Variants in FARS2 observed in about 807,000 individuals in gnomAD.
The protein encoded by FARS2 is phenylalanine--tRNA ligase, mitochondrial.
Under a neutral mutation model 46.4 loss-of-function variants are expected in FARS2, and 40 were observed. The observed-to-expected ratio is 0.86, with a 90% CI of 0.67 to 1.12. The LOEUF (loss-of-function observed/expected upper bound fraction) is 1.12, where lower values mean the gene tolerates loss of function less well. Among genes scored for constraint, FARS2 ranks in the 50% most tolerant of loss-of-function variants. The probability of loss-of-function intolerance (pLI) is 0.00; values close to 1 mark genes in which losing one functional copy is unlikely to be tolerated. For synonymous variants in FARS2, 234 were observed against 214.9 expected (o/e 1.09, Z -0.78); for missense variants, 513 against 567.9 (o/e 0.90, Z 0.98).
At chr6:5,595,560 G>A (rs576798896) in intron 5 of FARS2, among the ~76,000 whole-genome samples, 1 of 152,226 alleles carries the variant, frequency 6.6e-6, no homozygotes, top group South Asian at 2.1e-4. Context: ...AATAGAACGA[G>A]GGAGAAAATG....
chr6:5,497,794 A>G (rs1343255103), intron 4 of FARS2, among the ~76,000 whole-genome samples: 2 of 152,152 alleles, frequency 1.3e-5, no homozygotes, highest in Non-Finnish European at 2.9e-5. Context: ...TATTTTTAAA[A>G]TGTAATCCTT....
At chr6:5,679,915 G>A (rs532626148) in intron 6 of FARS2, among the ~76,000 whole-genome samples, 12 of 131,052 alleles carry the variant, frequency 9.2e-5, no homozygotes, top group Non-Finnish European at 1.5e-4. Flanking sequence ...TTTACTTTCC[G>A]TTTTACTTCC....
intron 1 of FARS2, among the ~76,000 whole-genome samples, chr6:5,330,240 A>G (rs1561962422): frequency 6.6e-6 from 1 of 152,132 alleles, no homozygotes; most frequent in Non-Finnish European, 1.5e-5. Flanking sequence ...GCAAATATAT[A>G]TATATAGATA....
chr6:5,305,515 G>A (rs774291319), intron 1 of FARS2, among the ~76,000 whole-genome samples: 9 of 152,136 alleles, frequency 5.9e-5, no homozygotes, highest in Non-Finnish European at 7.4e-5. Context: ...AGAAACTTAG[G>A]GAAAGTAATG....
intron 6 of FARS2, among the ~76,000 whole-genome samples, chr6:5,692,698 A>C (rs931622584): frequency 6.6e-6 from 1 of 152,268 alleles, no homozygotes; most frequent in Non-Finnish European, 1.5e-5. Flanking sequence ...AATGTATAAA[A>C]ATCGATAATA....
At chr6:5,260,512 G>A (rs1764989346), upstream of FARS2, 10 of 1,209,178 alleles carry the variant, frequency 8.3e-6, no homozygotes, top group Non-Finnish European at 1.1e-5. Context: ...TTTCGATGGC[G>A]GAGCCCGGTC....
At chr6:5,553,625 A>G (rs549201716) in intron 5 of FARS2, among the ~76,000 whole-genome samples, 4 of 152,306 alleles carry the variant, frequency 2.6e-5, no homozygotes, top group Admixed American at 6.5e-5. Context: ...AAAAATCAGT[A>G]TACAGTTTAC....
At chr6:5,681,537 A>C (rs898515494) in intron 6 of FARS2, among the ~76,000 whole-genome samples, 2 of 152,180 alleles carry the variant, frequency 1.3e-5, no homozygotes, top group Non-Finnish European at 2.9e-5. Context: ...ATTTGTGTAC[A>C]GGGGGAAAAA....
intron 4 of FARS2, among the ~76,000 whole-genome samples, chr6:5,437,638 A>G (rs922605227): frequency 2.0e-5 from 3 of 151,972 alleles, no homozygotes; most frequent in Non-Finnish European, 4.4e-5. Context: ...ACTCTGTTTC[A>G]TTTATATTAC....
intron 6 of FARS2, among the ~76,000 whole-genome samples, chr6:5,748,172 G>T (rs1316154264): frequency 6.6e-6 from 1 of 152,172 alleles, no homozygotes; most frequent in Non-Finnish European, 1.5e-5. Flanking sequence ...TGCTGTGGGA[G>T]CAGGAATCTG....
chr6:5,528,069 CG>C (rs1384702749), intron 4 of FARS2, among the ~76,000 whole-genome samples: 2 of 152,160 alleles, frequency 1.3e-5, no homozygotes, highest in African/African-American at 2.4e-5. Context: ...ATTCCCTTTA[CG>C]TTTTCAAAAG....
intron 3 of FARS2, among the ~76,000 whole-genome samples, chr6:5,410,043 C>T (rs545760846): frequency 6.6e-6 from 1 of 152,298 alleles, no homozygotes; most frequent in African/African-American, 2.4e-5. Flanking sequence ...AGAACACAGA[C>T]AGTGCTGTGT....
At chr6:5,462,228 G>A (rs187716531) in intron 4 of FARS2, among the ~76,000 whole-genome samples, 5 of 151,940 alleles carry the variant, frequency 3.3e-5, no homozygotes, top group Admixed American at 2.0e-4. Context: ...CAAATATTGC[G>A]CCCATTTTTA....
Position 5,381,370 on chromosome 6 carries a change from AAC to A in FARS2, c.612+12222_612+12223del, listed in dbSNP as rs3057175. Among the ~76,000 whole-genome samples, 911 of 132,932 alleles carry A rather than the reference AAC, an allele frequency of 6.9e-3. 6 individuals carry two copies. Among genetic ancestry groups the A allele is most frequent in the East Asian group, 8.0e-3 (38 of 4,736 alleles). 87.2% of individuals were successfully genotyped at this position (132,932 alleles called of 152,430 possible). A position where few individuals can be genotyped will look rare whatever the true frequency, so the allele number is the denominator to read the frequency against. On this transcript the variant is annotated intron_variant, in intron 2 of 6. Transcript: ENST00000274680. ...ATGAGAAATTTGCATACTCCCCAGA[AAC>A]ACACACACACACACACACACACACA...
intron 6 of FARS2, among the ~76,000 whole-genome samples, chr6:5,623,967 C>T (rs1410757439): frequency 6.6e-6 from 1 of 152,162 alleles, no homozygotes; most frequent in Non-Finnish European, 1.5e-5. Context: ...CTTGAGAGAG[C>T]CATGGGTACA....
At chr6:5,621,428 A>T (rs1376070971) in intron 6 of FARS2, among the ~76,000 whole-genome samples, 2 of 152,154 alleles carry the variant, frequency 1.3e-5, no homozygotes, top group African/African-American at 4.8e-5. Flanking sequence ...AACATGCGAA[A>T]AGTGAAATAG....
chr6:5,553,229 A>T (rs1006900870), intron 5 of FARS2, among the ~76,000 whole-genome samples: 9 of 152,176 alleles, frequency 5.9e-5, no homozygotes, highest in Non-Finnish European at 1.3e-4. Flanking sequence ...ATGGAGTCTC[A>T]AATACTTATC....
chr6:5,296,994 T>TCC (rs766248482), intron 1 of FARS2, among the ~76,000 whole-genome samples: 96 of 152,354 alleles, frequency 6.3e-4, no homozygotes, highest in Non-Finnish European at 1.0e-3. Context: ...TTCAGGAACC[T>TCC]CCATACTGTT....
rs114248198 is a variant in FARS2, at chr6:5,357,886, C to T, written c.-21-10664C>T. Among the ~76,000 whole-genome samples, 675 of 152,268 alleles carry T rather than the reference C, an allele frequency of 4.4e-3. 5 individuals are homozygous for T. Among genetic ancestry groups the T allele is most frequent in the African/African-American group, 0.014 (575 of 41,548 alleles). On this transcript the variant is annotated intron_variant, in intron 1 of 6. Transcript: ENST00000274680. ...TTAAAAGAAAAGAGTAATGAAGAAA[C>T]GGCTTCATAGAGAAGATGATGCTCC...
Sources: gnomAD v4.1 joint callset for allele counts (sites outside exome capture counted in the v4.1 genomes callset) on GRCh38, gnomAD v4.1.1 for gene constraint, MANE v1.5 for transcripts, NCBI Gene and HGNC (gene_info 2026-07-23, HGNC 2026-07-21) for gene names.